Variants in NUP98 observed in about 807,000 individuals in gnomAD.
NUP98 encodes nucleoporin 98 and 96 precursor.
A neutral mutation model predicts 191.9 loss-of-function variants in NUP98; 26 were observed. The ratio of observed to expected loss-of-function variants is 0.14; its 90% CI spans 0.10 to 0.19. NUP98 has a LOEUF of 0.19. NUP98 is among the 10% of genes least tolerant of loss of function. The probability of loss-of-function intolerance (pLI) is 1.00; values close to 1 mark genes in which losing one functional copy is unlikely to be tolerated. For missense variants in NUP98, 1,941 were observed against 2,178.8 expected (o/e 0.89, Z 2.17); for synonymous variants, 808 against 778.4 (o/e 1.04, Z -0.63).
chr11:3,726,671 A>G (rs527983591), intron 14 of NUP98, among the ~76,000 whole-genome samples: 1 of 152,138 alleles, frequency 6.6e-6, no homozygotes, highest in African/African-American at 2.4e-5. Context: ...TAATCCTCTA[A>G]CTCTTAAATA....
rs191940146 is a variant in NUP98 at position 3,787,253 on chromosome 11, C to T, written c.-28-5108G>A. Among the ~76,000 whole-genome samples, 677 of 152,328 alleles carry T rather than the reference C, an allele frequency of 4.4e-3. 7 individuals are homozygous for T. Among genetic ancestry groups the T allele is most frequent in the Non-Finnish European group, 6.6e-3 (450 of 68,022 alleles). On this transcript the variant is annotated intron_variant, in intron 1 of 32. Coordinates refer to ENST00000324932, the MANE Select transcript of NUP98 (RefSeq NM_016320.5). ...TTACAGTATCCTCCCTAGGATAGAT[C>T]TTTGATCAAGCCATTCCCTTGGTTA... is the stretch of plus-strand genomic sequence containing the variant.
At chr11:3,745,862 G>A (rs1017887243) in intron 11 of NUP98, among the ~76,000 whole-genome samples, 1 of 152,138 alleles carries the variant, frequency 6.6e-6, no homozygotes, top group Non-Finnish European at 1.5e-5. Context: ...TATGGGAACT[G>A]CTTTGAGATC....
Position 3,754,570 on chromosome 11 carries a change from G to A in NUP98, c.1175-1162C>T, listed in dbSNP as rs575119260. ...AGATGAACCTAGCCAGGATAGTAAC[G>A]TGTAGCTGATTACACGTGAGAAGTC... On this transcript the variant is annotated intron_variant, in intron 10 of 32. Transcript: ENST00000324932. Among the ~76,000 whole-genome samples the A allele has an allele frequency of 4.6e-5, 7 of 152,274 alleles. No individual in the cohort carries two copies. In the South Asian group the frequency reaches 1.0e-3, roughly 23 times the overall value.
intron 18 of NUP98, chr11:3,715,020 G>A (rs1219617710): frequency 6.6e-6 from 1 of 152,130 alleles, no homozygotes; most frequent in Admixed American, 6.6e-5. Context: ...GGAGCTGCTG[G>A]ATCAGACAGT....
intron 16 of NUP98, among the ~76,000 whole-genome samples, chr11:3,722,737 C>T (rs1036213993): frequency 2.6e-5 from 4 of 152,040 alleles, no homozygotes; most frequent in African/African-American, 9.7e-5. Context: ...GTCCTGATCC[C>T]TGGAGGTTGA....
At chr11:3,747,953 A>G (rs559936967) in intron 11 of NUP98, among the ~76,000 whole-genome samples, 164 of 152,294 alleles carry the variant, frequency 1.1e-3, no homozygotes, top group African/African-American at 3.7e-3. Flanking sequence ...CTGACTCACA[A>G]TTCTCATTTC....
chr11:3,729,715 C>CAAAAAAAAAAAAAAAAAA lies in NUP98; in HGVS notation c.1730+1658_1730+1675dup, dbSNP rs755816362. Among the ~76,000 whole-genome samples the CAAAAAAAAAAAAAAAAAA allele has an allele frequency of 1.8e-3, 68 of 37,406 alleles. 2 individuals are homozygous for CAAAAAAAAAAAAAAAAAA. Among genetic ancestry groups the CAAAAAAAAAAAAAAAAAA allele is most frequent in the African/African-American group, 2.5e-3 (28 of 11,298 alleles). The allele number at this position is 37,406 out of a possible 152,430, so 24.5% of individuals were successfully genotyped here. On this transcript the variant is annotated intron_variant, in intron 14 of 32. Coordinates refer to ENST00000324932, the MANE Select transcript of NUP98 (RefSeq NM_016320.5). ...GGGCAATGGCATAAGACTCTTGCCT[C>CAAAAAAAAAAAAAAAAAA]AAAAAAAAAAAAAAAAAAAAAAAAA... is the stretch of plus-strand genomic sequence containing the variant.
intron 30 of NUP98, among the ~76,000 whole-genome samples, chr11:3,681,615 T>C (rs1173242598): frequency 2.0e-5 from 3 of 152,180 alleles, no homozygotes; most frequent in Non-Finnish European, 1.5e-5. Context: ...AAAGAAATTT[T>C]TTTTTTTTCT....
intron 23 of NUP98, among the ~76,000 whole-genome samples, chr11:3,701,663 AT>A (rs2078681968): frequency 1.3e-5 from 2 of 151,646 alleles, no homozygotes; most frequent in South Asian, 4.2e-4. Context: ...TTCAAGAGAC[AT>A]TGTTGTTTTT....
rs2077798917 is a variant in NUP98 at position 3,676,099 on chromosome 11, G to A, written c.*60C>T. The A allele has an allele frequency of 2.0e-6, 3 of 1,515,540 alleles. No individual in the cohort carries two copies. In the South Asian group the frequency reaches 3.5e-5, roughly 18 times the overall value. The allele number at this position is 1,515,540 out of a possible 1,614,324, so 93.9% of individuals were successfully genotyped here. A position where few individuals can be genotyped will look rare whatever the true frequency, so the allele number is the denominator to read the frequency against. On this transcript the variant is annotated 3_prime_UTR_variant, in exon 33 of 33. Coordinates refer to ENST00000324932, the MANE Select transcript of NUP98 (RefSeq NM_016320.5). ...TGGCAAACAGTGCCAATCCAAACAAGGCAGGGAACCTCTGTGTGGTGTGAA... is the reference window on the plus strand; with the variant it reads ...TGGCAAACAGTGCCAATCCAAACAAAGCAGGGAACCTCTGTGTGGTGTGAA...
At chr11:3,750,450 A>G (rs910592598) in intron 11 of NUP98, among the ~76,000 whole-genome samples, 5 of 152,178 alleles carry the variant, frequency 3.3e-5, no homozygotes, top group African/African-American at 1.2e-4. Flanking sequence ...CAAAAGAAAA[A>G]CTGGTATTAT....
chr11:3,747,647 A>G (rs1408490186), intron 11 of NUP98, among the ~76,000 whole-genome samples: 1 of 152,200 alleles, frequency 6.6e-6, no homozygotes, highest in Non-Finnish European at 1.5e-5. Context: ...ATGTATCTGT[A>G]CATTTAATAT....
At chr11:3,793,440 A>G (rs901747097) in intron 1 of NUP98, among the ~76,000 whole-genome samples, 1 of 151,714 alleles carries the variant, frequency 6.6e-6, no homozygotes, top group East Asian at 2.0e-4. Flanking sequence ...GGTGCGTGTC[A>G]CTGTGCCCAA....
chr11:3,696,178 C>T (rs1031634906), intron 25 of NUP98, among the ~76,000 whole-genome samples: 2 of 150,842 alleles, frequency 1.3e-5, no homozygotes, highest in South Asian at 2.1e-4. Context: ...GCAACAAGAG[C>T]GAGACTCTAT....
At chr11:3,718,874 C>A (rs1015414815) in intron 18 of NUP98, among the ~76,000 whole-genome samples, 2 of 151,984 alleles carry the variant, frequency 1.3e-5, no homozygotes, top group Non-Finnish European at 2.9e-5. Flanking sequence ...AATCCCAGCA[C>A]TTTGGGAGGC....
At chr11:3,755,508 A>G (rs1420410502) in intron 10 of NUP98, among the ~76,000 whole-genome samples, 3 of 152,114 alleles carry the variant, frequency 2.0e-5, no homozygotes, top group African/African-American at 4.8e-5. Context: ...GCCCAAAAAG[A>G]TAACAAACAG....
At chr11:3,738,111 A>T (rs1424682520) in intron 12 of NUP98, among the ~76,000 whole-genome samples, 1 of 147,094 alleles carries the variant, frequency 6.8e-6, no homozygotes, top group Non-Finnish European at 1.5e-5. Flanking sequence ...AAAAAAACCA[A>T]AGACTTCCTT....
intron 10 of NUP98, among the ~76,000 whole-genome samples, chr11:3,756,294 C>T (rs1452413828): frequency 6.6e-6 from 1 of 152,118 alleles, no homozygotes; most frequent in African/African-American, 2.4e-5. Context: ...ACATTTCCTC[C>T]GATTCTCACT....
chr11:3,720,923 T>C (rs1224737214), intron 16 of NUP98, 98 bp from the exon 17 acceptor site: 2 of 610,316 alleles, frequency 3.3e-6, no homozygotes, highest in Non-Finnish European at 5.8e-6. Context: ...GAATGAAGAA[T>C]TTTCCAAACT....
Sources: allele counts gnomAD v4.1 joint callset (sites outside exome capture counted in the v4.1 genomes callset), GRCh38; gene constraint gnomAD v4.1.1; transcripts MANE v1.5; gene names NCBI Gene and HGNC (gene_info 2026-07-23, HGNC 2026-07-21).